The following VWC2 variants were observed in gnomAD, a reference collection of about 807,000 sequenced individuals.
The protein encoded by VWC2 is von Willebrand factor C domain containing 2.
A neutral mutation model predicts 29.8 loss-of-function variants in VWC2; 14 were observed. That is an observed-to-expected ratio of 0.47 (90% CI 0.31 to 0.74). The LOEUF is 0.74. Among genes scored for constraint, VWC2 ranks in the 30% least tolerant of loss-of-function variants. The pLI, the probability that VWC2 is intolerant of heterozygous loss-of-function variation, is 0.05. For synonymous variants in VWC2, 213 were observed against 199.0 expected (o/e 1.07, Z -0.59); for missense variants, 457 against 459.8 (o/e 0.99, Z 0.05).
At chr7:49,813,544 C>T (rs1789061506) in intron 3 of VWC2, among the ~76,000 whole-genome samples, 1 of 152,156 alleles carries the variant, frequency 6.6e-6, no homozygotes, top group African/African-American at 2.4e-5. Context: ...TATTTCCTGC[C>T]AGTCAAATTT....
chr7:49,838,360 T>C (rs1274169083), intron 3 of VWC2, among the ~76,000 whole-genome samples: 1 of 152,186 alleles, frequency 6.6e-6, no homozygotes, highest in African/African-American at 2.4e-5. Flanking sequence ...AGCAGATTGG[T>C]GCACTTTTTC....
At chr7:49,864,572 G>A (rs1790801364) in intron 3 of VWC2, among the ~76,000 whole-genome samples, 1 of 152,182 alleles carries the variant, frequency 6.6e-6, no homozygotes, top group Non-Finnish European at 1.5e-5. Context: ...TTTGGCCTGG[G>A]TAGTTGGCTG....
intron 2 of VWC2, among the ~76,000 whole-genome samples, chr7:49,784,548 A>G (rs1282929187): frequency 6.6e-6 from 1 of 152,242 alleles, no homozygotes. Context: ...GAATCAGATC[A>G]GGATCTATCT....
Position 49,917,518 on chromosome 7 carries a change from T to G in VWC2, c.*5333T>G, listed in dbSNP as rs186525602. On this transcript the variant is annotated 3_prime_UTR_variant, in exon 4 of 4. Coordinates refer to ENST00000340652, the MANE Select transcript of VWC2 (RefSeq NM_198570.5). ...AGTTCAGAAAAGTACATAAAACCTC[T>G]GGCTGACCTATTATATAGGCACAGA... The G allele has an allele frequency of 5.3e-4, 81 of 152,300 alleles. 1 individual carries two copies. Among genetic ancestry groups the G allele is most frequent in the Non-Finnish European group, 1.0e-3 (69 of 67,992 alleles). The allele number at this position is 152,300 out of a possible 1,614,324, so 9.4% of individuals were successfully genotyped here. A position where few individuals can be genotyped will look rare whatever the true frequency, so the allele number is the denominator to read the frequency against.
chr7:49,910,243 A>G (rs1793336043), intron 3 of VWC2, among the ~76,000 whole-genome samples: 1 of 152,170 alleles, frequency 6.6e-6, no homozygotes, highest in Admixed American at 6.5e-5. Flanking sequence ...CTCGAAAACC[A>G]CCACCACAGA....
chr7:49,808,951 T>A (rs916568334), intron 3 of VWC2, among the ~76,000 whole-genome samples: 1 of 151,988 alleles, frequency 6.6e-6, no homozygotes, highest in African/African-American at 2.4e-5. Context: ...AAATCAGCAA[T>A]GTAACCCTCT....
rs190619768 is a variant in VWC2 at position 49,906,585 on chromosome 7, C to T, written c.827-5449C>T. The stretch of plus-strand genomic sequence containing the variant: ...TCTCCTGACCTCGTGATCCACCCAC[C>T]TTGGCCTCACAAAGTGCTGGGATTA... On this transcript the variant is annotated intron_variant, in intron 3 of 3. Transcript: ENST00000340652. Among the ~76,000 whole-genome samples, 74 of 152,326 alleles carry T rather than the reference C, an allele frequency of 4.9e-4. No individual in the cohort carries two copies. In the East Asian group the frequency reaches 0.01, roughly 21 times the overall value.
chr7:49,876,227 C>T (rs867223904), intron 3 of VWC2, among the ~76,000 whole-genome samples: 2 of 151,978 alleles, frequency 1.3e-5, no homozygotes, highest in South Asian at 4.2e-4. Context: ...AGTAAGATAC[C>T]GAAATGTTTT....
chr7:49,855,513 A>G (rs576834679), intron 3 of VWC2, among the ~76,000 whole-genome samples: 2 of 152,240 alleles, frequency 1.3e-5, no homozygotes, highest in East Asian at 3.9e-4. Context: ...TGTTGTGGAG[A>G]GAGGTAAGGA....
At position 49,863,334 on chromosome 7, in the gene VWC2, C is replaced by T. The variant is rs1021983111; in HGVS notation, c.827-48700C>T. Among the ~76,000 whole-genome samples the T allele has an allele frequency of 1.1e-4, 17 of 152,262 alleles. 1 individual carries two copies. In the East Asian group the frequency reaches 2.5e-3, roughly 22 times the overall value. On this transcript the variant is annotated intron_variant, in intron 3 of 3. Transcript: ENST00000340652. Reference sequence around the variant, plus strand: ...TCCTGATTTTAGTAATTTGTATCTTCTCTCTTTTTATCTTCGCCACTCCAG... The same window carrying T: ...TCCTGATTTTAGTAATTTGTATCTTTTCTCTTTTTATCTTCGCCACTCCAG...
chr7:49,827,192 CAT>C (rs1789414764), intron 3 of VWC2, among the ~76,000 whole-genome samples: 1 of 151,904 alleles, frequency 6.6e-6, no homozygotes, highest in Non-Finnish European at 1.5e-5. Context: ...GAATAGGACT[CAT>C]ATTTGTATGT....
intron 3 of VWC2, among the ~76,000 whole-genome samples, chr7:49,840,055 C>T (rs113141047): frequency 0.015 from 2,216 of 152,274 alleles, 34 homozygotes; most frequent in African/African-American, 0.036. Flanking sequence ...CCCTGGCCCA[C>T]GGGCTGACCA....
At chr7:49,817,099 G>A in intron 3 of VWC2, among the ~76,000 whole-genome samples, 1 of 152,232 alleles carries the variant, frequency 6.6e-6, no homozygotes. Context: ...GTCTCAGGCA[G>A]TGGCCCCAAG....
chr7:49,788,995 T>C (rs893882899), intron 2 of VWC2, among the ~76,000 whole-genome samples: 2 of 141,888 alleles, frequency 1.4e-5, no homozygotes, highest in Non-Finnish European at 3.1e-5. Context: ...GTGTGAGGTG[T>C]GGGTGCATGC....
intron 3 of VWC2, among the ~76,000 whole-genome samples, chr7:49,823,601 G>T (rs895629352): frequency 6.6e-6 from 1 of 152,178 alleles, no homozygotes; most frequent in Non-Finnish European, 1.5e-5. Flanking sequence ...CGGCAGTTGG[G>T]TATGTGTTTA....
chr7:49,904,253 C>T lies in VWC2; in HGVS notation c.827-7781C>T, dbSNP rs191468039. The stretch of plus-strand genomic sequence containing the variant: ...CTTTTCATTAAAAGAAAAGCTTTAC[C>T]GAGGACTCCCATACCCTCACTATCT... On this transcript the variant is annotated intron_variant, in intron 3 of 3. Coordinates refer to ENST00000340652, the MANE Select transcript of VWC2 (RefSeq NM_198570.5). 2.7e-3 allele frequency among the ~76,000 whole-genome samples: 407 copies of T among 152,182 alleles called. 2 individuals carry two copies. The highest frequency in any genetic ancestry group is 9.1e-3 in the African/African-American group (377 of 41,512).
At chr7:49,839,804 G>A (rs1789751248) in intron 3 of VWC2, among the ~76,000 whole-genome samples, 1 of 152,194 alleles carries the variant, frequency 6.6e-6, no homozygotes, top group African/African-American at 2.4e-5. Context: ...ACTCAAGTTA[G>A]GAGTGAGAAC....
In VWC2 at chr7:49,913,676, T is replaced by A. The variant is rs2128744081; in HGVS notation, c.*1491T>A. ...TCTCTGGCATAAGAAGTATATGAAA[T>A]CATAATGTATTGTATTAGGAGCCAA... On this transcript the variant is annotated 3_prime_UTR_variant, in exon 4 of 4. Transcript: ENST00000340652. 6.6e-6 allele frequency: 1 copy of A among 152,282 alleles called. No individual in the cohort carries two copies. The highest frequency in any genetic ancestry group is 1.5e-5 in the Non-Finnish European group (1 of 68,022). 9.4% of individuals were successfully genotyped at this position (152,282 alleles called of 1,614,324 possible).
chr7:49,871,686 C>G (rs1791152295), intron 3 of VWC2, among the ~76,000 whole-genome samples: 1 of 151,668 alleles, frequency 6.6e-6, no homozygotes, highest in South Asian at 2.1e-4. Context: ...TACTGTTGTT[C>G]TGTGCAAATG....
Sources: allele counts gnomAD v4.1 joint callset (sites outside exome capture counted in the v4.1 genomes callset), GRCh38; gene constraint gnomAD v4.1.1; transcripts MANE v1.5; gene names NCBI Gene and HGNC (gene_info 2026-07-23, HGNC 2026-07-21).